NRG1: variants seen among roughly 807,000 people sequenced by gnomAD.
NRG1 encodes pro-neuregulin-1, membrane-bound isoform.
Under a neutral mutation model 63.8 loss-of-function variants are expected in NRG1, and 18 were observed. That is an observed-to-expected ratio of 0.28 (90% CI 0.19 to 0.42). NRG1 has a LOEUF of 0.42. Among genes scored for constraint, NRG1 ranks in the 10% least tolerant of loss-of-function variants. The pLI is 1.00. For synonymous variants in NRG1, 302 were observed against 301.3 expected (o/e 1.00, Z -0.02); for missense variants, 762 against 814.7 (o/e 0.94, Z 0.79).
intron 1 of NRG1, among the ~76,000 whole-genome samples, chr8:32,311,450 G>A (rs931030858): frequency 2.6e-5 from 4 of 152,090 alleles, no homozygotes; most frequent in African/African-American, 7.2e-5. Context: ...ATCTGGGCAC[G>A]GAGTGTCTGA....
In NRG1 at chr8:31,895,554, T is replaced by C. The variant is rs567490158; in HGVS notation, c.37+256123T>C. On this transcript the variant is annotated intron_variant, in intron 1 of 10. Transcript: ENST00000519301. ...CTTATCTGTGTCTAGGATCAGCCTT[T>C]AGTCTGATCTTCATTTTTATCCAGG... 3.9e-5 allele frequency among the ~76,000 whole-genome samples: 6 copies of C among 152,358 alleles called. No homozygotes were observed. The South Asian group carries it at 1.2e-3, about 32-fold the overall frequency.
intron 1 of NRG1, among the ~76,000 whole-genome samples, chr8:31,839,006 G>A (rs995954417): frequency 3.2e-4 from 49 of 152,166 alleles, no homozygotes; most frequent in African/African-American, 1.1e-3. Flanking sequence ...CCCTTGAAAT[G>A]TAGTGCTGGC....
At chr8:32,406,302 A>T (rs1006932138) in intron 1 of NRG1, among the ~76,000 whole-genome samples, 1 of 152,214 alleles carries the variant, frequency 6.6e-6, no homozygotes, top group Non-Finnish European at 1.5e-5. Flanking sequence ...TGAGCTGCTC[A>T]GTCTTGGACA....
At chr8:32,563,676 T>C (rs1233636772) in intron 1 of NRG1, among the ~76,000 whole-genome samples, 1 of 152,110 alleles carries the variant, frequency 6.6e-6, no homozygotes, top group Non-Finnish European at 1.5e-5. Context: ...TCAGAATAAT[T>C]TTTCCTCAGT....
chr8:31,763,099 G>T (rs866228112), intron 1 of NRG1, among the ~76,000 whole-genome samples: 1 of 151,894 alleles, frequency 6.6e-6, no homozygotes, highest in East Asian at 1.9e-4. Context: ...ATGCTGAAAA[G>T]CGTTTGAAAA....
chr8:32,356,360 T>A (rs1806389847), intron 1 of NRG1, among the ~76,000 whole-genome samples: 1 of 152,026 alleles, frequency 6.6e-6, no homozygotes, highest in Non-Finnish European at 1.5e-5. Flanking sequence ...CATCCTAAAC[T>A]TTAAAGAACT....
chr8:32,503,990 T>C lies in NRG1; in HGVS notation c.38-91838T>C, dbSNP rs576362944. ...TTGCCAGCACTTCAAAGGGTCCGCATGCACAGTGTGTTTACTGGACGTGTA... is the reference window on the plus strand; with the variant it reads ...TTGCCAGCACTTCAAAGGGTCCGCACGCACAGTGTGTTTACTGGACGTGTA... On this transcript the variant is annotated intron_variant, in intron 1 of 10. Transcript: ENST00000519301. 2.0e-5 allele frequency among the ~76,000 whole-genome samples: 3 copies of C among 152,314 alleles called. No individual in the cohort carries two copies. In the East Asian group the frequency reaches 5.8e-4, roughly 29 times the overall value.
In NRG1 at chr8:32,071,992, TAAAG is replaced by T. The variant is rs1825817859; in HGVS notation, c.37+432563_37+432566del. On this transcript the variant is annotated intron_variant, in intron 1 of 10. Coordinates refer to the NRG1 transcript ENST00000519301. ...AATATAAGGTTCTTTAAGGGTAAAA[TAAAG>T]AGAAAGGGAAGAAAGGCAGAGTTCT... 2.0e-5 allele frequency among the ~76,000 whole-genome samples: 3 copies of T among 152,082 alleles called. No homozygotes were observed. In the South Asian group the frequency reaches 6.2e-4, roughly 31 times the overall value.
intron 1 of NRG1, among the ~76,000 whole-genome samples, chr8:32,110,331 G>A (rs551024370): frequency 6.6e-6 from 1 of 151,946 alleles, no homozygotes; most frequent in Non-Finnish European, 1.5e-5. Flanking sequence ...AGAGAAGAAA[G>A]TCAAAGGAAA....
chr8:31,906,765 G>A (rs1264270149), intron 1 of NRG1, among the ~76,000 whole-genome samples: 6 of 152,072 alleles, frequency 3.9e-5, no homozygotes, highest in Admixed American at 6.5e-5. Context: ...GTGGAGGGCC[G>A]TGTTTTTAAA....
At chr8:32,497,661 G>C (rs1827370217) in intron 1 of NRG1, among the ~76,000 whole-genome samples, 1 of 152,094 alleles carries the variant, frequency 6.6e-6, no homozygotes, top group Admixed American at 6.5e-5. Flanking sequence ...ACTGTGCAGA[G>C]AACTAACATG....
chr8:31,805,902 T>C (rs1822237904), intron 1 of NRG1, among the ~76,000 whole-genome samples: 5 of 151,462 alleles, frequency 3.3e-5, no homozygotes, highest in African/African-American at 1.2e-4. Flanking sequence ...ATAACTATGC[T>C]AGTATTTCTG....
chr8:31,930,602 C>G (rs781122149), intron 1 of NRG1, among the ~76,000 whole-genome samples: 1 of 152,020 alleles, frequency 6.6e-6, no homozygotes, highest in Non-Finnish European at 1.5e-5. Context: ...TGTCTGGGAT[C>G]GGTGGATGTT....
chr8:32,742,026 T>G lies in NRG1; in HGVS notation c.633-649T>G. 6.2e-7 allele frequency: 1 copy of G among 1,613,646 alleles called. No individual in the cohort carries two copies. Among genetic ancestry groups the G allele is most frequent in the East Asian group, 2.2e-5 (1 of 44,850 alleles). On this transcript the variant is annotated intron_variant, in intron 6 of 11. Coordinates refer to ENST00000356819, the Ensembl canonical transcript of NRG1. This position sits in a 1 kb window ranked among gnomAD's most constrained non-coding sequence, Gnocchi z 4.2. Reference sequence around the variant, plus strand: ...CCTCTAGGTGCCAACCTGGATTCACTGGAGCAAGATGTACTGAGAATGTGC... The same window carrying G: ...CCTCTAGGTGCCAACCTGGATTCACGGGAGCAAGATGTACTGAGAATGTGC...
chr8:31,910,598 C>T lies in NRG1; in HGVS notation c.37+271167C>T, dbSNP rs370705135. ...CATTTGAGATGCCCAAGAGACATCT[C>T]AGTAGAAGATTTCAAGCATCCATTG... On this transcript the variant is annotated intron_variant, in intron 1 of 10. Transcript: ENST00000519301. 1.1e-4 allele frequency among the ~76,000 whole-genome samples: 16 copies of T among 152,176 alleles called. 1 individual carries two copies. Among genetic ancestry groups the T allele is most frequent in the African/African-American group, 3.6e-4 (15 of 41,536 alleles).
intron 1 of NRG1, chr8:31,639,476 A>G (rs1229133225): frequency 1.5e-5 from 23 of 1,531,068 alleles, no homozygotes; most frequent in Non-Finnish European, 1.9e-5. Flanking sequence ...CGCCGCGGCC[A>G]CCCAGCGATT....
chr8:31,896,153 G>A (rs1831561835), intron 1 of NRG1, among the ~76,000 whole-genome samples: 1 of 152,134 alleles, frequency 6.6e-6, no homozygotes, highest in African/African-American at 2.4e-5. Flanking sequence ...GACCAGAGCT[G>A]CTTTAAATGA....
At chr8:31,914,205 T>C (rs1010731579) in intron 1 of NRG1, among the ~76,000 whole-genome samples, 1 of 152,206 alleles carries the variant, frequency 6.6e-6, no homozygotes, top group Non-Finnish European at 1.5e-5. Context: ...GAGAATTCTA[T>C]GCCTTTTTTA....
intron 1 of NRG1, among the ~76,000 whole-genome samples, chr8:32,146,181 G>A (rs1255133914): frequency 6.6e-6 from 1 of 152,070 alleles, no homozygotes; most frequent in Non-Finnish European, 1.5e-5. Flanking sequence ...ACTAAGGGAG[G>A]GAAGCTCTTT....
Sources: gnomAD v4.1 joint callset for allele counts (sites outside exome capture counted in the v4.1 genomes callset) on GRCh38, gnomAD v4.1.1 for gene constraint, Gnocchi (gnomAD v3.1) non-coding constraint, MANE v1.5 for transcripts, NCBI Gene and HGNC (gene_info 2026-07-23, HGNC 2026-07-21) for gene names.